Variants in DPYD observed in about 807,000 individuals in gnomAD.
The protein encoded by DPYD is dihydropyrimidine dehydrogenase, also known as dihydropyrimidine dehydrogenase [NADP(+)].
DPYD carries 109 observed loss-of-function variants against 116.2 expected under a neutral mutation model. That is an observed-to-expected ratio of 0.94 (90% confidence interval 0.80 to 1.10). The LOEUF is 1.10. DPYD is among the 50% of genes least tolerant of loss of function. DPYD has a pLI of 0.00. For missense variants in DPYD, 1,302 were observed against 1,254.5 expected, an observed-to-expected ratio of 1.04 and a Z score of -0.57; for synonymous variants, 440 against 432.0, an observed-to-expected ratio of 1.02 and a Z score of -0.23.
At chr1:97,175,376 A>T (rs1657171735) in intron 20 of DPYD, among the ~76,000 whole-genome samples, 2 of 152,228 alleles carry the variant, frequency 1.3e-5, no homozygotes, top group Non-Finnish European at 2.9e-5. Context: ...ATCAAAGGAC[A>T]GACTACCAAA....
intron 20 of DPYD, among the ~76,000 whole-genome samples, chr1:97,187,492 C>T (rs921606386): frequency 2.2e-4 from 33 of 151,922 alleles, no homozygotes; most frequent in Admixed American, 7.9e-4. Context: ...CTGTTGGATA[C>T]GTAGTTTGAA....
intron 20 of DPYD, among the ~76,000 whole-genome samples, chr1:97,126,253 C>G (rs1652823368): frequency 6.6e-6 from 1 of 152,112 alleles, no homozygotes. Flanking sequence ...AGTAGAACTT[C>G]TAGATGTATC....
chr1:97,659,286 A>G (rs190298689), intron 8 of DPYD, among the ~76,000 whole-genome samples: 1 of 152,330 alleles, frequency 6.6e-6, no homozygotes, highest in African/African-American at 2.4e-5. Flanking sequence ...TGCTGGTAGA[A>G]TGAATATATA....
chr1:97,761,935 T>G (rs894144058), intron 3 of DPYD, among the ~76,000 whole-genome samples: 1 of 152,098 alleles, frequency 6.6e-6, no homozygotes, highest in Admixed American at 6.6e-5. Context: ...TGCTATCACT[T>G]ATAAGTGTGA....
At chr1:97,774,596 G>A (rs12760992) in intron 3 of DPYD, 147,731 of 153,332 alleles carry the variant, frequency 0.96, 71,387 homozygotes, top group East Asian at 1. Context: ...CTCCCATCTC[G>A]GGTGCCTGGG....
chr1:97,086,807 G>A (rs1030512798), intron 21 of DPYD, among the ~76,000 whole-genome samples: 6 of 152,154 alleles, frequency 3.9e-5, no homozygotes, highest in Non-Finnish European at 8.8e-5. Context: ...TCTGCACTTT[G>A]TACAACTTCT....
intron 8 of DPYD, among the ~76,000 whole-genome samples, chr1:97,663,095 A>C (rs1659360324): frequency 6.6e-6 from 1 of 152,224 alleles, no homozygotes; most frequent in African/African-American, 2.4e-5. Context: ...TCATACTAGC[A>C]AATAGCGAGG....
chr1:97,434,430 A>T (rs1201867187), intron 14 of DPYD, among the ~76,000 whole-genome samples: 1 of 152,130 alleles, frequency 6.6e-6, no homozygotes, highest in Non-Finnish European at 1.5e-5. Flanking sequence ...AAAAATAGCC[A>T]ACTGTGAAAT....
intron 14 of DPYD, among the ~76,000 whole-genome samples, chr1:97,392,018 G>A (rs1672735695): frequency 1.3e-5 from 2 of 151,998 alleles, no homozygotes; most frequent in Admixed American, 1.3e-4. Context: ...AAAAGAAAGG[G>A]TAATCATTTG....
rs137897195 is a variant in DPYD, at chr1:97,533,669, T to C, written c.1524+15891A>G. ...CAGGTGACAGCAGTGATGTTAAATA[T>C]TAAGCCTTGGAATAAGAAGTTCAAA... On this transcript the variant is annotated intron_variant, in intron 12 of 22. Transcript: ENST00000370192. Among the ~76,000 whole-genome samples the C allele has an allele frequency of 4.0e-3, 602 of 152,296 alleles. 6 individuals are homozygous for C. The highest frequency in any genetic ancestry group is 0.014 in the African/African-American group (578 of 41,554).
At chr1:97,106,122 G>T (rs1165220382) in intron 20 of DPYD, among the ~76,000 whole-genome samples, 1 of 151,996 alleles carries the variant, frequency 6.6e-6, no homozygotes, top group Non-Finnish European at 1.5e-5. Context: ...TAGGATGATG[G>T]CGGTAGCAAA....
intron 1 of DPYD, among the ~76,000 whole-genome samples, chr1:97,886,923 C>T (rs966878465): frequency 1.3e-5 from 2 of 151,772 alleles, no homozygotes; most frequent in African/African-American, 4.8e-5. Context: ...TGAAAAAAGG[C>T]CCAAATTTAA....
At chr1:97,854,496 G>A (rs980988354) in intron 2 of DPYD, among the ~76,000 whole-genome samples, 1 of 152,196 alleles carries the variant, frequency 6.6e-6, no homozygotes, top group Non-Finnish European at 1.5e-5. Context: ...CATGGGAGCA[G>A]AGAGAGTTCT....
At chr1:97,920,566 G>A (rs981861768) in intron 1 of DPYD, among the ~76,000 whole-genome samples, 4 of 152,178 alleles carry the variant, frequency 2.6e-5, no homozygotes, top group African/African-American at 7.2e-5. Flanking sequence ...CCACCTCTCT[G>A]GAACTCCAGT....
At chr1:97,298,251 G>A (rs1330117097) in intron 18 of DPYD, among the ~76,000 whole-genome samples, 1 of 152,038 alleles carries the variant, frequency 6.6e-6, no homozygotes, top group Non-Finnish European at 1.5e-5. Context: ...GCATCATCTG[G>A]AACTTGTTAG....
chr1:97,530,842 T>C (rs1341940076), intron 12 of DPYD, among the ~76,000 whole-genome samples: 1 of 152,178 alleles, frequency 6.6e-6, no homozygotes, highest in Admixed American at 6.5e-5. Context: ...CTCAATGTGG[T>C]TTTGATTTTC....
At chr1:97,252,788 T>C (rs997652511) in intron 18 of DPYD, among the ~76,000 whole-genome samples, 2 of 152,192 alleles carry the variant, frequency 1.3e-5, no homozygotes, top group Non-Finnish European at 2.9e-5. Flanking sequence ...GGGCCAATGG[T>C]CACAATGTAT....
chr1:97,912,498 G>A (rs931866941), intron 1 of DPYD, among the ~76,000 whole-genome samples: 3 of 152,068 alleles, frequency 2.0e-5, no homozygotes, highest in Non-Finnish European at 4.4e-5. Context: ...AAAGTATTTA[G>A]GGAAAGATTA....
intron 13 of DPYD, among the ~76,000 whole-genome samples, chr1:97,510,765 T>G (rs1331475890): frequency 6.6e-6 from 1 of 152,030 alleles, no homozygotes; most frequent in Non-Finnish European, 1.5e-5. Flanking sequence ...TAACATGCTT[T>G]GAATAAAATA....
Sources: gnomAD v4.1 joint callset for allele counts (sites outside exome capture counted in the v4.1 genomes callset) on GRCh38, gnomAD v4.1.1 for gene constraint, MANE v1.5 for transcripts, NCBI Gene and HGNC (gene_info 2026-07-23, HGNC 2026-07-21) for gene names.